Variants in GPR176 observed in about 807,000 individuals in gnomAD.
GPR176 encodes G protein-coupled receptor 176.
GPR176 carries 26 observed loss-of-function variants against 35.4 expected under a neutral mutation model. The observed-to-expected ratio is 0.74, with a 90% CI of 0.54 to 1.02. The LOEUF (loss-of-function observed/expected upper bound fraction) is 1.02, where lower values mean the gene tolerates loss of function less well. GPR176 is among the 50% of genes least tolerant of loss of function. GPR176 has a pLI of 0.00. For synonymous variants in GPR176, 278 were observed against 271.3 expected, an observed-to-expected ratio of 1.02 and a Z score of -0.24; for missense variants, 597 against 665.3, an observed-to-expected ratio of 0.90 and a Z score of 1.13.
At chr15:39,855,050 CA>C (rs1158490962) in intron 1 of GPR176, among the ~76,000 whole-genome samples, 849 of 121,670 alleles carry the variant, frequency 7.0e-3, no homozygotes, top group East Asian at 0.015. Context: ...GACCCTGTCT[CA>C]AAAAAAAAAA....
chr15:39,884,288 A>G (rs2032588838), intron 1 of GPR176, among the ~76,000 whole-genome samples: 1 of 152,224 alleles, frequency 6.6e-6, no homozygotes, highest in South Asian at 2.1e-4. Flanking sequence ...GTTTCTGCAT[A>G]TTGTAATTTC....
chr15:39,851,040 G>A (rs2030831351), intron 1 of GPR176, among the ~76,000 whole-genome samples: 1 of 152,078 alleles, frequency 6.6e-6, no homozygotes, highest in African/African-American at 2.4e-5. Context: ...TGTGAAGAAC[G>A]AAAGACAAAG....
At chr15:39,859,219 G>A (rs568041989) in intron 1 of GPR176, among the ~76,000 whole-genome samples, 7 of 151,686 alleles carry the variant, frequency 4.6e-5, no homozygotes, top group Non-Finnish European at 1.0e-4. Flanking sequence ...ATATAGGAAT[G>A]AACACTGAAA....
chr15:39,889,581 A>G (rs577198424), intron 1 of GPR176, among the ~76,000 whole-genome samples: 4 of 150,564 alleles, frequency 2.7e-5, no homozygotes, highest in African/African-American at 9.7e-5. Context: ...AATAAAATAA[A>G]ATAAAATAAA....
chr15:39,918,729 G>A (rs538533552), intron 1 of GPR176, among the ~76,000 whole-genome samples: 4 of 151,842 alleles, frequency 2.6e-5, no homozygotes, highest in African/African-American at 9.7e-5. Flanking sequence ...AAATATCCTC[G>A]TAACAAAAAA....
intron 1 of GPR176, among the ~76,000 whole-genome samples, chr15:39,859,088 T>G (rs1379662902): frequency 6.6e-6 from 1 of 151,826 alleles, no homozygotes; most frequent in Admixed American, 6.6e-5. Flanking sequence ...ATCATGAGAA[T>G]CAGCAGACAC....
chr15:39,868,138 C>T (rs1231662297), intron 1 of GPR176, among the ~76,000 whole-genome samples: 2 of 152,060 alleles, frequency 1.3e-5, no homozygotes, highest in African/African-American at 2.4e-5. Flanking sequence ...AATGAATGAA[C>T]TGAGTTTTAC....
At chr15:39,893,784 ACCCCCC>A in intron 1 of GPR176, among the ~76,000 whole-genome samples, 1 of 119,774 alleles carries the variant, frequency 8.3e-6, no homozygotes, top group Admixed American at 8.2e-5. Context: ...GCGGGGGCTG[ACCCCCC>A]CACCTCCCTC....
rs74009000 is a variant in GPR176, at chr15:39,904,349, G to A, written c.172+15506C>T. Among the ~76,000 whole-genome samples the A allele has an allele frequency of 7.9e-3, 1,200 of 152,230 alleles. 7 individuals are homozygous for A. Among genetic ancestry groups the A allele is most frequent in the Middle Eastern group, 0.031 (9 of 294 alleles). ...GTTCACATGCTTTTGATAATCAGAA[G>A]CAGAAAATTCTACCAAGGCATCAAG... On this transcript the variant is annotated intron_variant, in intron 1 of 2. Transcript: ENST00000561100.
intron 1 of GPR176, among the ~76,000 whole-genome samples, chr15:39,892,746 T>G (rs2032923412): frequency 6.6e-6 from 1 of 152,212 alleles, no homozygotes; most frequent in South Asian, 2.1e-4. Context: ...AAGCTAGGAC[T>G]GAGGCATGAA....
intron 1 of GPR176, among the ~76,000 whole-genome samples, chr15:39,870,485 C>T (rs2032003633): frequency 6.6e-6 from 1 of 152,182 alleles, no homozygotes; most frequent in African/African-American, 2.4e-5. Flanking sequence ...AATTCCAGTA[C>T]TTTATTGATA....
intron 1 of GPR176, among the ~76,000 whole-genome samples, chr15:39,883,446 T>G (rs1566961821): frequency 6.6e-6 from 1 of 152,112 alleles, no homozygotes; most frequent in Non-Finnish European, 1.5e-5. Flanking sequence ...ATGTACACAA[T>G]TCAAATAGTT....
chr15:39,859,993 CAA>C (rs10712342), intron 1 of GPR176, among the ~76,000 whole-genome samples: 4,381 of 146,482 alleles, frequency 0.03, 186 homozygotes, highest in African/African-American at 0.083. Context: ...AGGCTTAAAT[CAA>C]AAAAAAAAAA....
chr15:39,919,245 TAAAC>T (rs2033808315), intron 1 of GPR176, among the ~76,000 whole-genome samples: 1 of 152,184 alleles, frequency 6.6e-6, no homozygotes, highest in Non-Finnish European at 1.5e-5. Context: ...TTCTGTACCT[TAAAC>T]AACACATAGA....
chr15:39,917,107 C>A lies in GPR176; in HGVS notation c.172+2748G>T, dbSNP rs946026402. Among the ~76,000 whole-genome samples, 5 of 151,950 alleles carry A rather than the reference C, an allele frequency of 3.3e-5. No individual in the cohort carries two copies. In the East Asian group the frequency reaches 9.7e-4, roughly 30 times the overall value. ...GACCAGCCTGACCAACATGGTGAAA[C>A]CCCATCTCTACTAAAAATGCAAAAA... On this transcript the variant is annotated intron_variant, in intron 1 of 2. Coordinates refer to ENST00000561100, the MANE Select transcript of GPR176 (RefSeq NM_007223.3).
Position 39,801,913 on chromosome 15 carries a change from T to A in GPR176, c.767A>T (p.Tyr256Phe). Reference sequence around the variant, plus strand: ...CAGCTCGGCCTCCCGCTGGGAGGCATAGGGAATAGAGATGGTGTTCTGTGG... The same window carrying A: ...CAGCTCGGCCTCCCGCTGGGAGGCAAAGGGAATAGAGATGGTGTTCTGTGG... The part of the protein sequence containing the change: ...RTPQNTISIP[Y>F]ASQREAELHA... The change falls in exon 3 of 3, where the codon TAT (tyrosine) becomes TTT (phenylalanine). Residue 256 changes from tyrosine (Y) to phenylalanine (F), a missense_variant. By Grantham distance (22) the Tyr-to-Phe change is conservative (BLOSUM62 3). Coordinates refer to ENST00000561100, the MANE Select transcript of GPR176 (RefSeq NM_007223.3). 1.9e-6 allele frequency: 3 copies of A among 1,613,602 alleles called. No homozygotes were observed. The highest frequency in any genetic ancestry group is 1.6e-4 in the Middle Eastern group (1 of 6,062).
intron 1 of GPR176, among the ~76,000 whole-genome samples, chr15:39,857,914 T>C (rs1318195368): frequency 7.1e-6 from 1 of 141,812 alleles, no homozygotes; most frequent in Non-Finnish European, 1.5e-5. Context: ...GAGCTTGCAG[T>C]GAGCCGAGAT....
intron 1 of GPR176, among the ~76,000 whole-genome samples, chr15:39,809,125 C>T (rs1899375113): frequency 6.6e-6 from 1 of 152,114 alleles, no homozygotes; most frequent in Non-Finnish European, 1.5e-5. Flanking sequence ...TTCTTTAAAA[C>T]CCGAGACTGC....
At chr15:39,877,613 G>A (rs1433763753) in intron 1 of GPR176, among the ~76,000 whole-genome samples, 3 of 150,832 alleles carry the variant, frequency 2.0e-5, no homozygotes, top group African/African-American at 7.3e-5. Context: ...CTAGGCTGGA[G>A]TGCAATGACG....
Sources: gnomAD v4.1 joint callset for allele counts (sites outside exome capture counted in the v4.1 genomes callset) on GRCh38, gnomAD v4.1.1 for gene constraint, MANE v1.5 for transcripts, NCBI Gene and HGNC (gene_info 2026-07-23, HGNC 2026-07-21) for gene names.